UHRF2: variants seen among roughly 807,000 people sequenced by gnomAD.
UHRF2 encodes the protein ubiquitin like with PHD and ring finger domains 2.
Under a neutral mutation model 96.8 loss-of-function variants are expected in UHRF2, and 23 were observed. The observed-to-expected ratio is 0.24, with a 90% CI of 0.17 to 0.34. UHRF2 has a LOEUF of 0.34. Among genes scored for constraint, UHRF2 ranks in the 10% least tolerant of loss-of-function variants. UHRF2 has a pLI of 1.00. For synonymous variants in UHRF2, 385 were observed against 332.6 expected (o/e 1.16, Z -1.72); for missense variants, 685 against 981.5 (o/e 0.70, Z 4.04).
chr9:6,461,510 C>T (rs1276664915), intron 4 of UHRF2, among the ~76,000 whole-genome samples: 2 of 151,314 alleles, frequency 1.3e-5, no homozygotes, highest in African/African-American at 4.9e-5. Context: ...GTAGCTGGGA[C>T]TACAGGCGTA....
chr9:6,467,215 A>G (rs188839192), intron 4 of UHRF2, among the ~76,000 whole-genome samples: 268 of 152,264 alleles, frequency 1.8e-3, no homozygotes, highest in African/African-American at 6.0e-3. Flanking sequence ...GACGCCTCCC[A>G]CATGCCTTAG....
chr9:6,482,953 A>G (rs1824011213), intron 8 of UHRF2, among the ~76,000 whole-genome samples: 2 of 152,064 alleles, frequency 1.3e-5, no homozygotes, highest in South Asian at 4.2e-4. Context: ...TTTAGATAAC[A>G]TACACTTATC....
At chr9:6,487,187 T>A (rs1466268227) in intron 9 of UHRF2, among the ~76,000 whole-genome samples, 5 of 125,322 alleles carry the variant, frequency 4.0e-5, no homozygotes, top group African/African-American at 1.6e-4. Context: ...TTTTCCTTTT[T>A]TTTTTTTTTT....
At chr9:6,481,568 A>AG in intron 6 of UHRF2, 75 bp from the exon 7 acceptor site, 1 of 1,541,886 alleles carries the variant, frequency 6.5e-7, no homozygotes, top group South Asian at 1.3e-5. Context: ...GCTCTTACCT[A>AG]GGAAGGCTAA....
Position 6,506,936 on chromosome 9 carries a change from T to A in UHRF2, c.*757T>A, listed in dbSNP as rs1338766123. ...CACCAGTGGTTTTACATCTGCAGAG[T>A]TTTGAGGGCTGTGCTGACCTTTGAG... is the stretch of plus-strand genomic sequence containing the variant. On this transcript the variant is annotated 3_prime_UTR_variant, in exon 16 of 16. Transcript: ENST00000276893. 2.0e-5 allele frequency: 3 copies of A among 152,576 alleles called. No individual in the cohort carries two copies. The highest frequency in any genetic ancestry group is 4.4e-5 in the Non-Finnish European group (3 of 68,032). The allele number at this position is 152,576 out of a possible 1,614,324, so 9.5% of individuals were successfully genotyped here. A position where few individuals can be genotyped will look rare whatever the true frequency, so the allele number is the denominator to read the frequency against.
At chr9:6,414,658 T>G (rs531825553) in intron 1 of UHRF2, among the ~76,000 whole-genome samples, 1 of 152,306 alleles carries the variant, frequency 6.6e-6, no homozygotes, top group African/African-American at 2.4e-5. Flanking sequence ...AATCCTGTGG[T>G]TTTAAATAAG....
At chr9:6,456,058 A>G (rs1165599962) in intron 3 of UHRF2, among the ~76,000 whole-genome samples, 1 of 152,224 alleles carries the variant, frequency 6.6e-6, no homozygotes, top group Non-Finnish European at 1.5e-5. Context: ...TAGGTTTGTA[A>G]TACTTACTAT....
chr9:6,454,612 C>T (rs550812249), intron 3 of UHRF2, among the ~76,000 whole-genome samples: 1 of 151,442 alleles, frequency 6.6e-6, no homozygotes, highest in Non-Finnish European at 1.5e-5. Context: ...TCTATTTAAT[C>T]GAAATGAGTT....
At chr9:6,501,276 A>G (rs1816276810) in intron 14 of UHRF2, among the ~76,000 whole-genome samples, 1 of 152,104 alleles carries the variant, frequency 6.6e-6, no homozygotes, top group South Asian at 2.1e-4. Flanking sequence ...CAAATCCCTA[A>G]AGTTGGAGTC....
chr9:6,460,403 A>G (rs1221082531), intron 3 of UHRF2, among the ~76,000 whole-genome samples, 170 bp from the exon 4 acceptor site: 1 of 152,240 alleles, frequency 6.6e-6, no homozygotes, highest in Non-Finnish European at 1.5e-5. Context: ...GTATCGCAGT[A>G]CAGGTGAGAA....
At chr9:6,497,536 T>C (rs1825039296) in intron 11 of UHRF2, among the ~76,000 whole-genome samples, 176 bp downstream of exon 11, 1 of 152,154 alleles carries the variant, frequency 6.6e-6, no homozygotes, top group Admixed American at 6.5e-5. Flanking sequence ...ACTTTACTTT[T>C]AAGGCTTATT....
chr9:6,452,100 A>T (rs1024966748), intron 3 of UHRF2, among the ~76,000 whole-genome samples: 1 of 151,980 alleles, frequency 6.6e-6, no homozygotes, highest in African/African-American at 2.4e-5. Context: ...TTTTAAGTTC[A>T]TATATCCTGG....
chr9:6,467,325 C>T (rs1378182218), intron 4 of UHRF2, among the ~76,000 whole-genome samples: 2 of 152,154 alleles, frequency 1.3e-5, no homozygotes, highest in African/African-American at 4.8e-5. Flanking sequence ...CCTCTGCCTC[C>T]CCTTCCCCTG....
At position 6,416,167 on chromosome 9, in the gene UHRF2, G is replaced by A. The variant is rs547647721; in HGVS notation, c.153+2524G>A. On this transcript the variant is annotated intron_variant, in intron 1 of 15. Transcript: ENST00000276893. Reference sequence around the variant, plus strand: ...CAACCTCTGCCTCCCGGGTTCAAGCGATTCCCCTGCCGCAGTCTCCCAAGT... The same window carrying A: ...CAACCTCTGCCTCCCGGGTTCAAGCAATTCCCCTGCCGCAGTCTCCCAAGT... Among the ~76,000 whole-genome samples the A allele has an allele frequency of 2.0e-4, 31 of 152,150 alleles. 1 individual carries two copies. The South Asian group carries it at 6.4e-3, about 32-fold the overall frequency.
At position 6,506,532 on chromosome 9, in the gene UHRF2, A is replaced by G. The variant is rs957388950; in HGVS notation, c.*353A>G. On this transcript the variant is annotated 3_prime_UTR_variant, in exon 16 of 16. Coordinates refer to ENST00000276893, the MANE Select transcript of UHRF2 (RefSeq NM_152896.3). ...ACTAGTTAAATGAAATTTTAGCTAC[A>G]CACTGCCTCCCAAATATTAGTTGTG... is the stretch of plus-strand genomic sequence containing the variant. The G allele has an allele frequency of 1.2e-5, 2 of 166,240 alleles. No homozygotes were observed. Among genetic ancestry groups the G allele is most frequent in the Non-Finnish European group, 1.3e-5 (1 of 77,166 alleles). 10.3% of individuals were successfully genotyped at this position (166,240 alleles called of 1,614,324 possible).
intron 2 of UHRF2, among the ~76,000 whole-genome samples, chr9:6,422,270 C>T (rs1012433338): frequency 4.0e-5 from 6 of 151,636 alleles, no homozygotes; most frequent in East Asian, 2.0e-4. Flanking sequence ...CCAGTAGAGA[C>T]GGGATTTTAC....
chr9:6,483,378 T>A (rs1356642411), intron 8 of UHRF2, among the ~76,000 whole-genome samples: 1 of 149,878 alleles, frequency 6.7e-6, no homozygotes, highest in East Asian at 2.0e-4. Flanking sequence ...TATTTTCATA[T>A]AACCTATGCA....
At chr9:6,468,586 A>G (rs1269299939) in intron 4 of UHRF2, 3 of 455,924 alleles carry the variant, frequency 6.6e-6, no homozygotes, top group African/African-American at 6.0e-5. Flanking sequence ...TAGGAGTAGG[A>G]TGGAAAAAGT....
At chr9:6,422,386 T>C (rs1457770886) in intron 2 of UHRF2, among the ~76,000 whole-genome samples, 2 of 151,860 alleles carry the variant, frequency 1.3e-5, no homozygotes, top group Non-Finnish European at 2.9e-5. Flanking sequence ...TATAGACTGT[T>C]TTGATCTCCC....
Sources: allele counts gnomAD v4.1 joint callset (sites outside exome capture counted in the v4.1 genomes callset), GRCh38; gene constraint gnomAD v4.1.1; transcripts MANE v1.5; gene names NCBI Gene and HGNC (gene_info 2026-07-23, HGNC 2026-07-21).